ARHGEF3: variants seen among roughly 807,000 people sequenced by gnomAD.
The protein encoded by ARHGEF3 is 59.8 kDA protein.
A neutral mutation model predicts 63.2 loss-of-function variants in ARHGEF3; 28 were observed. The observed-to-expected ratio is 0.44, with a 90% CI of 0.33 to 0.61. ARHGEF3 has a LOEUF of 0.61. ARHGEF3 is among the 20% of genes least tolerant of loss of function. The pLI is 0.03. For missense variants in ARHGEF3, 533 were observed against 659.3 expected (o/e 0.81, Z 2.10); for synonymous variants, 266 against 254.2 (o/e 1.05, Z -0.44).
In ARHGEF3 at chr3:56,729,493, C is replaced by A. The variant is rs1446663716; in HGVS notation, c.1358G>T (p.Cys453Phe). The change falls in exon 10 of 10, where the codon TGT becomes TTT. Residue 453 changes from cysteine to phenylalanine, a missense_variant. Around this residue, in one of 4 missense-constraint regions of ARHGEF3, gnomAD observed 115 missense variants for 103.4 expected, o/e 1.11. Transcript: ENST00000296315. Reference protein sequence around the residue: ...CIRQAKETVLCAAGQAGVLDS... With the variant: ...CIRQAKETVLFAAGQAGVLDS... ...AAGCACCCCAGCTTGCCCGGCAGCACACAAAACTGTTTCTTTGGCTTGACG... is the reference window on the plus strand; with the variant it reads ...AAGCACCCCAGCTTGCCCGGCAGCAAACAAAACTGTTTCTTTGGCTTGACG... 2 of 1,614,202 alleles carry A rather than the reference C, an allele frequency of 1.2e-6. No homozygotes were observed. Among genetic ancestry groups the A allele is most frequent in the South Asian group, 2.2e-5 (2 of 91,082 alleles).
intron 4 of ARHGEF3, among the ~76,000 whole-genome samples, chr3:56,811,791 A>G (rs2038075341): frequency 6.6e-6 from 1 of 152,198 alleles, no homozygotes; most frequent in South Asian, 2.1e-4. Flanking sequence ...TCATTGCACT[A>G]TCATTTGATT....
chr3:56,857,712 C>CT (rs2039933609), intron 4 of ARHGEF3, among the ~76,000 whole-genome samples: 1 of 152,126 alleles, frequency 6.6e-6, no homozygotes, highest in African/African-American at 2.4e-5. Context: ...GTGCCATTTC[C>CT]TTTTCCTTTT....
intron 3 of ARHGEF3, among the ~76,000 whole-genome samples, chr3:56,954,590 C>T (rs1699958644): frequency 6.6e-6 from 1 of 152,192 alleles, no homozygotes; most frequent in African/African-American, 2.4e-5. Flanking sequence ...ATCTGCAGCA[C>T]CTATGGGTCT....
At chr3:56,827,807 A>C in intron 4 of ARHGEF3, among the ~76,000 whole-genome samples, 1 of 147,606 alleles carries the variant, frequency 6.8e-6, no homozygotes, top group African/African-American at 2.5e-5. Flanking sequence ...GCATGGTCGC[A>C]CACTCCCGTA....
chr3:57,068,785 A>G (rs1471560158), intron 1 of ARHGEF3, among the ~76,000 whole-genome samples: 1 of 152,002 alleles, frequency 6.6e-6, no homozygotes, highest in African/African-American at 2.4e-5. Flanking sequence ...AGGTTATATC[A>G]TTGTGTTTTT....
Position 56,912,577 on chromosome 3 carries a change from T to C in ARHGEF3, c.130-30223A>G, listed in dbSNP as rs566796491. On this transcript the variant is annotated intron_variant, in intron 3 of 12. Transcript: ENST00000338458. Reference sequence around the variant, plus strand: ...GCCATCTGCAAAACAAGAATAATGATAGTAGCCAATCCCTACAGTGTTGTA... The same window carrying C: ...GCCATCTGCAAAACAAGAATAATGACAGTAGCCAATCCCTACAGTGTTGTA... Among the ~76,000 whole-genome samples, 10 of 152,368 alleles carry C rather than the reference T, an allele frequency of 6.6e-5. No individual in the cohort carries two copies. In the South Asian group the frequency reaches 2.1e-3, roughly 32 times the overall value.
intron 4 of ARHGEF3, among the ~76,000 whole-genome samples, chr3:56,865,127 A>C (rs565165859): frequency 2.6e-5 from 4 of 152,248 alleles, no homozygotes; most frequent in African/African-American, 9.6e-5. Context: ...ACACTCCTCC[A>C]CTTCCCTGTG....
At chr3:57,022,107 C>CA (rs1405055057) in intron 2 of ARHGEF3, among the ~76,000 whole-genome samples, 3 of 152,090 alleles carry the variant, frequency 2.0e-5, no homozygotes, top group East Asian at 1.9e-4. Flanking sequence ...CTTGTTTCTA[C>CA]AAAAAAATTT....
intron 1 of ARHGEF3, among the ~76,000 whole-genome samples, chr3:57,045,735 T>TC (rs1353185759): frequency 4.6e-5 from 7 of 151,768 alleles, no homozygotes; most frequent in Non-Finnish European, 7.4e-5. Flanking sequence ...AAGAACGTTC[T>TC]CCCCCAAACA....
In ARHGEF3 at chr3:56,916,932, T is replaced by C. The variant is rs114144397; in HGVS notation, c.130-34578A>G. ...CGTTTCTTTTTGTCTTATGCAAACCTGGCATCTTCTCTTCAGAGCCCTTTC... is the reference window on the plus strand; with the variant it reads ...CGTTTCTTTTTGTCTTATGCAAACCCGGCATCTTCTCTTCAGAGCCCTTTC... On this transcript the variant is annotated intron_variant, in intron 3 of 12. Transcript: ENST00000338458. Among the ~76,000 whole-genome samples, 449 of 152,330 alleles carry C rather than the reference T, an allele frequency of 2.9e-3. 3 individuals are homozygous for C. Among genetic ancestry groups the C allele is most frequent in the African/African-American group, 0.01 (432 of 41,578 alleles).
chr3:56,947,860 T>C (rs1248164876), intron 3 of ARHGEF3, among the ~76,000 whole-genome samples: 1 of 152,144 alleles, frequency 6.6e-6, no homozygotes, highest in Non-Finnish European at 1.5e-5. Flanking sequence ...TATTCCAAAA[T>C]TGACCACATA....
At position 56,896,255 on chromosome 3, in the gene ARHGEF3, A is replaced by G. The variant is rs148260754; in HGVS notation, c.130-13901T>C. Among the ~76,000 whole-genome samples the G allele has an allele frequency of 3.2e-3, 495 of 152,326 alleles. 2 individuals carry two copies. The highest frequency in any genetic ancestry group is 0.011 in the African/African-American group (468 of 41,572). On this transcript the variant is annotated intron_variant, in intron 3 of 12. Coordinates refer to the ARHGEF3 transcript ENST00000338458. ...CCTTTACTCAGTGTCATGGCTGCCT[A>G]CAGCTGACCTCATTTGCTCCCTCTC...
At chr3:56,960,722 C>A (rs1250376705) in intron 2 of ARHGEF3, 1 of 152,152 alleles carries the variant, frequency 6.6e-6, no homozygotes, top group Non-Finnish European at 1.5e-5. Context: ...CACACGTAAG[C>A]AATAAAAACC....
chr3:56,733,258 G>C (rs1205258263), intron 8 of ARHGEF3, among the ~76,000 whole-genome samples: 1 of 145,036 alleles, frequency 6.9e-6, no homozygotes, highest in East Asian at 2.1e-4. Context: ...ACTCCAGTCT[G>C]GGCGACAGTG....
chr3:56,727,780 T>C lies in ARHGEF3; in HGVS notation c.*1490A>G, dbSNP rs1174534141. 2.0e-5 allele frequency: 3 copies of C among 152,612 alleles called. No homozygotes were observed. Among genetic ancestry groups the C allele is most frequent in the Non-Finnish European group, 4.4e-5 (3 of 68,050 alleles). The allele number at this position is 152,612 out of a possible 1,614,324, so 9.5% of individuals were successfully genotyped here. A position where few individuals can be genotyped will look rare whatever the true frequency, so the allele number is the denominator to read the frequency against. On this transcript the variant is annotated 3_prime_UTR_variant, in exon 10 of 10. Transcript: ENST00000296315. ...CAGAAATATGTTTTACAGGGTAAAA[T>C]TGATCACAATATCCTTGTTTTCAAA...
At chr3:56,982,657 C>T (rs573123060) in intron 2 of ARHGEF3, among the ~76,000 whole-genome samples, 1 of 152,278 alleles carries the variant, frequency 6.6e-6, no homozygotes, top group South Asian at 2.1e-4. Context: ...GATCAGGTCT[C>T]TGAACCATAA....
chr3:56,969,662 T>C (rs1700819676), intron 2 of ARHGEF3, among the ~76,000 whole-genome samples: 3 of 150,724 alleles, frequency 2.0e-5, no homozygotes. Context: ...TTCCAGCTAC[T>C]TGGGAGGCTG....
At chr3:56,945,981 G>C (rs1268820415) in intron 3 of ARHGEF3, among the ~76,000 whole-genome samples, 1 of 152,184 alleles carries the variant, frequency 6.6e-6, no homozygotes, top group Admixed American at 6.5e-5. Context: ...AATATCTGCT[G>C]TTCTGCAGCC....
At chr3:56,920,217 G>A (rs1578845898) in intron 3 of ARHGEF3, among the ~76,000 whole-genome samples, 1 of 152,254 alleles carries the variant, frequency 6.6e-6, no homozygotes, top group Admixed American at 6.5e-5. Context: ...TTTATACACA[G>A]GAAACTACCT....
Sources: allele counts gnomAD v4.1 joint callset (sites outside exome capture counted in the v4.1 genomes callset), GRCh38; gene constraint gnomAD v4.1.1; regional missense constraint gnomAD v4.1.1; transcripts MANE v1.5; gene names NCBI Gene and HGNC (gene_info 2026-07-23, HGNC 2026-07-21).